The following MTHFD1 variants were observed in gnomAD, a reference collection of about 807,000 sequenced individuals.
MTHFD1 encodes the protein C-1-tetrahydrofolate synthase, cytoplasmic.
MTHFD1 carries 44 observed loss-of-function variants against 110.3 expected under a neutral mutation model. The observed-to-expected ratio is 0.40, with a 90% CI of 0.31 to 0.51. The LOEUF (loss-of-function observed/expected upper bound fraction) is 0.51. MTHFD1 is among the 20% of genes least tolerant of loss of function. The pLI is 0.60. For synonymous variants in MTHFD1, 402 were observed against 428.8 expected (o/e 0.94, Z 0.77); for missense variants, 909 against 1,173.1 (o/e 0.77, Z 3.29).
rs183664858 is a variant in MTHFD1, at chr14:64,417,901, C to T, written c.492C>T (p.Ala164=). 1.1e-4 allele frequency: 173 copies of T among 1,612,730 alleles called. 2 individuals are homozygous for T. The East Asian group carries it at 2.3e-3, about 22-fold the overall frequency. Residue 164 remains alanine (A), a synonymous_variant, in exon 7 of 28, where the codon GCC becomes GCT. Transcript: ENST00000652337. The surrounding 1 kb of genome is among the most constrained non-coding windows in gnomAD (Gnocchi z 4.4). ...CTTTTCTTTCAGGGGTGCCGATTGC[C>T]GGAAGGCATGCTGTGGTGGTTGGGC... ...ELIKETGVPI[A]GRHAVVVGRS... is the part of the protein sequence containing the mutation.
rs530279240 is a variant in MTHFD1 at position 64,428,873 on chromosome 14, A to T, written c.1265-1311A>T. ...AGCCCACCCTTCCACCTATTTTATA[A>T]ATGTAATCACTTTGTTCTGCTCTTG... is the stretch of plus-strand genomic sequence containing the variant. On this transcript the variant is annotated intron_variant, in intron 12 of 27. Coordinates refer to ENST00000652337, the MANE Select transcript of MTHFD1 (RefSeq NM_005956.4). Among the ~76,000 whole-genome samples, 17 of 152,106 alleles carry T rather than the reference A, an allele frequency of 1.1e-4. 1 individual carries two copies. Among genetic ancestry groups the T allele is most frequent in the African/African-American group, 2.2e-4 (9 of 41,520 alleles).
intron 21 of MTHFD1, among the ~76,000 whole-genome samples, chr14:64,444,209 TG>T (rs2078271358): frequency 6.6e-6 from 1 of 152,194 alleles, no homozygotes; most frequent in Non-Finnish European, 1.5e-5. Flanking sequence ...CCCTCTTGTT[TG>T]TATTGACCCT....
In MTHFD1 at chr14:64,406,031, A is replaced by T. The variant is rs192621935; in HGVS notation, c.127-5059A>T. On this transcript the variant is annotated intron_variant, in intron 2 of 27. Coordinates refer to ENST00000652337, the MANE Select transcript of MTHFD1 (RefSeq NM_005956.4). Reference sequence around the variant, plus strand: ...TGTGTGTATATATATATATAATAATAATTATTATTATTATTATTTTTTTTG... The same window carrying T: ...TGTGTGTATATATATATATAATAATTATTATTATTATTATTATTTTTTTTG... 3.5e-3 allele frequency among the ~76,000 whole-genome samples: 494 copies of T among 141,490 alleles called. 4 individuals are homozygous for T. Among genetic ancestry groups the T allele is most frequent in the African/African-American group, 9.4e-3 (362 of 38,634 alleles). 92.8% of individuals were successfully genotyped at this position (141,490 alleles called of 152,430 possible).
intron 1 of MTHFD1, among the ~76,000 whole-genome samples, chr14:64,397,174 TATATATATATATATATAA>T (rs1275860743): frequency 0.18 from 3,728 of 20,700 alleles, 646 homozygotes; most frequent in Non-Finnish European, 0.2. Context: ...TATATATATA[TATATATATATATATATAA>T]AAAACAGTAA....
chr14:64,430,305 T>C (rs1472258224), intron 13 of MTHFD1, 75 bp downstream of exon 13: 21 of 1,322,088 alleles, frequency 1.6e-5, no homozygotes, highest in South Asian at 5.9e-5. Flanking sequence ...ATTAGCTCCC[T>C]TTTTTTCCCC....
At position 64,389,664 on chromosome 14, in the gene MTHFD1, C is replaced by T. The variant is rs138662720; in HGVS notation, c.41+1196C>T. ...GCAGAGGTTGCAGTGAGCTGAGATG[C>T]GCCATTGCACTCCAGCCTGGGCAAC... On this transcript the variant is annotated intron_variant, in intron 1 of 27. Coordinates refer to ENST00000652337, the MANE Select transcript of MTHFD1 (RefSeq NM_005956.4). Among the ~76,000 whole-genome samples the T allele has an allele frequency of 6.1e-3, 931 of 151,460 alleles. 16 individuals are homozygous for T. Among genetic ancestry groups the T allele is most frequent in the African/African-American group, 0.021 (867 of 41,232 alleles).
chr14:64,401,003 T>C (rs2077891447), intron 2 of MTHFD1, 126 bp downstream of exon 2: 1 of 732,506 alleles, frequency 1.4e-6, no homozygotes, highest in African/African-American at 1.7e-5. Context: ...TTTCAGTCTC[T>C]CTTGGCAGGC....
intron 18 of MTHFD1, chr14:64,440,861 T>G (rs2078241702): frequency 4.2e-6 from 1 of 236,554 alleles, no homozygotes. Flanking sequence ...GTTACATGTT[T>G]TTCCAGATAT....
intron 2 of MTHFD1, among the ~76,000 whole-genome samples, chr14:64,401,528 C>T (rs941050977): frequency 6.6e-6 from 1 of 152,002 alleles, no homozygotes; most frequent in Non-Finnish European, 1.5e-5. Context: ...CATGGTGAAA[C>T]CCCATCTTTA....
intron 1 of MTHFD1, among the ~76,000 whole-genome samples, chr14:64,396,201 T>A (rs879625687): frequency 6.6e-6 from 1 of 152,176 alleles, no homozygotes; most frequent in Admixed American, 6.6e-5. Context: ...TATACTGATA[T>A]AGCTTTTGCT....
At chr14:64,402,938 G>T (rs143808621) in intron 2 of MTHFD1, among the ~76,000 whole-genome samples, 336 of 152,190 alleles carry the variant, frequency 2.2e-3, no homozygotes, top group Non-Finnish European at 3.8e-3. Context: ...AAAAACACAT[G>T]CACTCAAGAG....
At chr14:64,421,979 T>G (rs2078077829) in intron 8 of MTHFD1, among the ~76,000 whole-genome samples, 1 of 146,270 alleles carries the variant, frequency 6.8e-6, no homozygotes, top group Non-Finnish European at 1.5e-5. Flanking sequence ...GCTTTTGGCA[T>G]TTTTTTTTTG....
At chr14:64,438,452 C>T (rs1315456839) in intron 16 of MTHFD1, among the ~76,000 whole-genome samples, 1 of 152,192 alleles carries the variant, frequency 6.6e-6, no homozygotes, top group Non-Finnish European at 1.5e-5. Flanking sequence ...TCCTATTACA[C>T]TACACATACC....
At chr14:64,430,533 T>C (rs1215148065) in intron 13 of MTHFD1, among the ~76,000 whole-genome samples, 2 of 151,616 alleles carry the variant, frequency 1.3e-5, no homozygotes, top group African/African-American at 4.9e-5. Flanking sequence ...CCTGACCTCG[T>C]GATCCGCCCA....
Position 64,388,442 on chromosome 14 carries a change from A to C in MTHFD1, c.15A>C (p.Glu5Asp). 6.2e-7 allele frequency: 1 copy of C among 1,614,124 alleles called. No individual in the cohort carries two copies. Among genetic ancestry groups the C allele is most frequent in the Non-Finnish European group, 8.5e-7 (1 of 1,180,032 alleles). Residue 5 changes from glutamate (E) to aspartate (D), a missense_variant, in exon 1 of 28, where the codon GAA (glutamate) becomes GAC (aspartate). Physicochemically the swap from Glu to Asp is conservative, Grantham distance 45. This residue lies in a region of MTHFD1 where 424 missense variants were observed against 510.4 expected (regional missense o/e 0.83). Coordinates refer to ENST00000652337, the MANE Select transcript of MTHFD1 (RefSeq NM_005956.4). ...TAATAAAGGCCATGGCGCCAGCAGA[A>C]ATCCTGAACGGGAAGGAGATCTCCG... MAPA[E>D]ILNGKEISAQ...
At chr14:64,443,667 C>T (rs1325472913) in intron 21 of MTHFD1, among the ~76,000 whole-genome samples, 3 of 152,224 alleles carry the variant, frequency 2.0e-5, no homozygotes, top group African/African-American at 7.2e-5. Context: ...CAACCCAGCA[C>T]ACTCCTTTCT....
Position 64,388,426 on chromosome 14 carries a change from C to T in MTHFD1, c.-2C>T, listed in dbSNP as rs1233605221. 6.8e-6 allele frequency: 11 copies of T among 1,614,062 alleles called. No individual in the cohort carries two copies. In the African/African-American group the frequency reaches 8.0e-5, roughly 12 times the overall value. On this transcript the variant is annotated 5_prime_UTR_variant, in exon 1 of 28. Coordinates refer to ENST00000652337, the MANE Select transcript of MTHFD1 (RefSeq NM_005956.4). ...ATCGTGGGCAGCGGACTAATAAAGGCCATGGCGCCAGCAGAAATCCTGAAC... is the reference window on the plus strand; with the variant it reads ...ATCGTGGGCAGCGGACTAATAAAGGTCATGGCGCCAGCAGAAATCCTGAAC...
intron 24 of MTHFD1, among the ~76,000 whole-genome samples, chr14:64,450,689 G>C (rs1004209941): frequency 2.0e-5 from 3 of 152,118 alleles, no homozygotes; most frequent in Non-Finnish European, 4.4e-5. Context: ...CTCTAGGCTA[G>C]TTTCTGGCTT....
At chr14:64,436,402 C>A (rs1371335102) in intron 16 of MTHFD1, among the ~76,000 whole-genome samples, 1 of 152,136 alleles carries the variant, frequency 6.6e-6, no homozygotes, top group Non-Finnish European at 1.5e-5. Flanking sequence ...CCTACCTAAT[C>A]ATTTTTTTAC....
Sources: allele counts gnomAD v4.1 joint callset (sites outside exome capture counted in the v4.1 genomes callset), GRCh38; gene constraint gnomAD v4.1.1; regional missense constraint gnomAD v4.1.1; non-coding constraint Gnocchi (gnomAD v3.1); transcripts MANE v1.5; gene names NCBI Gene and HGNC (gene_info 2026-07-23, HGNC 2026-07-21).